SCN3A: variants seen among roughly 807,000 people sequenced by gnomAD.
The protein encoded by SCN3A is sodium voltage-gated channel alpha subunit 3.
A neutral mutation model predicts 187.6 loss-of-function variants in SCN3A; 60 were observed. The ratio of observed to expected loss-of-function variants is 0.32; its 90% CI spans 0.26 to 0.40. The LOEUF is 0.40. Among genes scored for constraint, SCN3A ranks in the 10% least tolerant of loss-of-function variants. The probability of loss-of-function intolerance (pLI) is 1.00; values close to 1 mark genes in which losing one functional copy is unlikely to be tolerated. For missense variants in SCN3A, 1,601 were observed against 2,428.2 expected (o/e 0.66, Z 7.16); for synonymous variants, 788 against 829.2 (o/e 0.95, Z 0.85).
intron 18 of SCN3A, among the ~76,000 whole-genome samples, chr2:165,117,511 C>T (rs1334844638): frequency 6.6e-6 from 1 of 151,924 alleles, no homozygotes; most frequent in Non-Finnish European, 1.5e-5. Flanking sequence ...CACACGTATA[C>T]CAACTACATA....
rs1197505085 is a variant in SCN3A at position 165,096,490 on chromosome 2, A to G, written c.4270T>C (p.Tyr1424His). 6.2e-7 allele frequency: 1 copy of G among 1,611,708 alleles called. No homozygotes were observed. Among genetic ancestry groups the G allele is most frequent in the Non-Finnish European group, 8.5e-7 (1 of 1,178,048 alleles). The stretch of plus-strand genomic sequence containing the variant: ...ACATCTCGTGAATCAACAGCTGCAT[A>G]CATAATATCCATCCAGCCTTTAAAT... Reference protein sequence around the residue: ...ATFKGWMDIMYAAVDSRDVKL... With the variant: ...ATFKGWMDIMHAAVDSRDVKL... Residue 1424 changes from tyrosine (Y) to histidine (H), a missense_variant, in exon 24 of 28, where the codon TAT (tyrosine) becomes CAT (histidine). Transcript: ENST00000283254.
At chr2:165,199,176 G>C (rs1692165824) in intron 1 of SCN3A, among the ~76,000 whole-genome samples, 1 of 151,938 alleles carries the variant, frequency 6.6e-6, no homozygotes, top group Admixed American at 6.6e-5. Flanking sequence ...AATGGTCAAA[G>C]TTATTTAAAG....
intron 15 of SCN3A, among the ~76,000 whole-genome samples, chr2:165,133,018 A>G (rs973362096): frequency 6.6e-6 from 1 of 152,210 alleles, no homozygotes; most frequent in Non-Finnish European, 1.5e-5. Context: ...GCAGCCAAAA[A>G]ACACATGAAA....
At chr2:165,122,198 C>T (rs952833541) in intron 18 of SCN3A, among the ~76,000 whole-genome samples, 4 of 150,140 alleles carry the variant, frequency 2.7e-5, no homozygotes, top group Non-Finnish European at 5.9e-5. Flanking sequence ...TCAGGATCAC[C>T]CTATTCTTTT....
At chr2:165,096,680 GTA>G (rs2105645633) in intron 23 of SCN3A, among the ~76,000 whole-genome samples, 160 bp from the exon 24 acceptor site, 1 of 152,162 alleles carries the variant, frequency 6.6e-6, no homozygotes, top group Non-Finnish European at 1.5e-5. Flanking sequence ...AAAAACATTT[GTA>G]TTTAAAGTCT....
At chr2:165,178,178 T>C (rs979748285) in intron 2 of SCN3A, among the ~76,000 whole-genome samples, 1 of 152,138 alleles carries the variant, frequency 6.6e-6, no homozygotes, top group South Asian at 2.1e-4. Flanking sequence ...AGTTCCCTGA[T>C]CTATTCCAAT....
chr2:165,139,519 T>C lies in SCN3A; in HGVS notation c.2109A>G (p.Gln703=), dbSNP rs1485947002. 1 of 1,613,872 alleles carries C rather than the reference T, an allele frequency of 6.2e-7. No homozygotes were observed. Among genetic ancestry groups the C allele is most frequent in the Non-Finnish European group, 8.5e-7 (1 of 1,179,908 alleles). ...MEMLEDSSGR[Q]RAVSIASILT... Reference sequence around the variant, plus strand: ...GAATGCTGGCTATGCTCACGGCTCTTTGCCTTCCAGAGGAATCCTCCAGCA... The same window carrying C: ...GAATGCTGGCTATGCTCACGGCTCTCTGCCTTCCAGAGGAATCCTCCAGCA... The change falls in exon 14 of 28, where the codon CAA becomes CAG. Residue 703 remains glutamine, a synonymous_variant. Coordinates refer to ENST00000283254, the MANE Select transcript of SCN3A (RefSeq NM_006922.4).
intron 1 of SCN3A, among the ~76,000 whole-genome samples, chr2:165,190,987 A>T (rs1479294482): frequency 6.6e-6 from 1 of 151,406 alleles, no homozygotes; most frequent in African/African-American, 2.4e-5. Flanking sequence ...AAATGCACAG[A>T]TAATGCTGAT....
intron 2 of SCN3A, among the ~76,000 whole-genome samples, chr2:165,183,079 G>C (rs1690992180): frequency 6.6e-6 from 1 of 151,996 alleles, no homozygotes; most frequent in Non-Finnish European, 1.5e-5. Flanking sequence ...GATGAGTGAA[G>C]AGGCAAGACT....
At chr2:165,171,900 A>G (rs1690125625) in intron 3 of SCN3A, among the ~76,000 whole-genome samples, 1 of 152,040 alleles carries the variant, frequency 6.6e-6, no homozygotes, top group Non-Finnish European at 1.5e-5. Context: ...GCAAATAAAC[A>G]CTTGTTTTAA....
At chr2:165,139,817 T>A (rs10048748) in intron 13 of SCN3A, 1 of 570,950 alleles carries the variant, frequency 1.8e-6, no homozygotes. Flanking sequence ...AATTCACCAG[T>A]GGGATGCAGT....
At chr2:165,184,209 G>A (rs564708220) in intron 2 of SCN3A, among the ~76,000 whole-genome samples, 7 of 152,138 alleles carry the variant, frequency 4.6e-5, no homozygotes, top group African/African-American at 1.7e-4. Context: ...CACATTCCAA[G>A]GCAGAATTAA....
At chr2:165,196,487 A>G (rs1400741527) in intron 1 of SCN3A, among the ~76,000 whole-genome samples, 1 of 152,084 alleles carries the variant, frequency 6.6e-6, no homozygotes, top group Non-Finnish European at 1.5e-5. Context: ...CCTCTAGGGA[A>G]AAGACTTTAG....
chr2:165,176,945 A>G (rs1690507860), intron 2 of SCN3A, among the ~76,000 whole-genome samples: 1 of 152,158 alleles, frequency 6.6e-6, no homozygotes, highest in South Asian at 2.1e-4. Context: ...TTATTGTAAT[A>G]CATCCCTGAC....
chr2:165,091,710 T>C, intron 27 of SCN3A: 1 of 297,548 alleles, frequency 3.4e-6, no homozygotes, highest in South Asian at 3.8e-5. Flanking sequence ...AATGATACTC[T>C]TCAGTTAGAG....
chr2:165,116,117 G>A (rs144510610), intron 18 of SCN3A, among the ~76,000 whole-genome samples: 20 of 152,152 alleles, frequency 1.3e-4, no homozygotes, highest in African/African-American at 4.3e-4. Flanking sequence ...TTTCAACTTT[G>A]AGCTCTATTT....
intron 1 of SCN3A, among the ~76,000 whole-genome samples, chr2:165,188,261 C>A (rs924673917): frequency 4.6e-5 from 7 of 152,052 alleles, no homozygotes; most frequent in Non-Finnish European, 8.8e-5. Flanking sequence ...ATTTTATGGC[C>A]TTGGCTTCAA....
At chr2:165,174,028 A>G (rs1471701493) in intron 3 of SCN3A, among the ~76,000 whole-genome samples, 1 of 152,210 alleles carries the variant, frequency 6.6e-6, no homozygotes, top group Non-Finnish European at 1.5e-5. Context: ...AAAACCTGAT[A>G]TATAAAATAA....
chr2:165,138,063 A>C lies in SCN3A; in HGVS notation c.2207T>G (p.Val736Gly). 1 of 1,613,644 alleles carries C rather than the reference A, an allele frequency of 6.2e-7. No individual in the cohort carries two copies. The highest frequency in any genetic ancestry group is 8.5e-7 in the Non-Finnish European group (1 of 1,179,638). ...CPPCWYRFANVFLIWDCCDAW... is the reference protein window; with the variant it reads ...CPPCWYRFANGFLIWDCCDAW... Reference sequence around the variant, plus strand: ...ATCACAGCAGTCCCAGATCAAGAACACATTGGCAAATCTATACCAGCATGG... The same window carrying C: ...ATCACAGCAGTCCCAGATCAAGAACCCATTGGCAAATCTATACCAGCATGG... Residue 736 changes from valine (V) to glycine (G), a missense_variant, in exon 15 of 28, where the codon GTG becomes GGG. By Grantham distance (109) the Val-to-Gly change is moderately radical. This residue lies in a region of SCN3A where 376 missense variants were observed against 476.0 expected (regional missense o/e 0.79). Coordinates refer to ENST00000283254, the MANE Select transcript of SCN3A (RefSeq NM_006922.4).
Sources: gnomAD v4.1 joint callset for allele counts (sites outside exome capture counted in the v4.1 genomes callset) on GRCh38, gnomAD v4.1.1 for gene constraint, gnomAD v4.1.1 regional missense constraint, MANE v1.5 for transcripts, NCBI Gene and HGNC (gene_info 2026-07-23, HGNC 2026-07-21) for gene names.